Variants in MED13L observed in about 807,000 individuals in gnomAD.
MED13L encodes the protein mediator complex subunit 13L, also known as mediator of RNA polymerase II transcription subunit 13-like.
Under a neutral mutation model 220.9 loss-of-function variants are expected in MED13L, and 7 were observed. The observed-to-expected ratio is 0.03, with a 90% CI of 0.02 to 0.06. MED13L has a LOEUF of 0.06. Ranked by LOEUF, MED13L falls within the 10% of genes least tolerant of loss-of-function variation. The probability of loss-of-function intolerance (pLI) is 1.00; values close to 1 mark genes in which losing one functional copy is unlikely to be tolerated. For missense variants in MED13L, 1,965 were observed against 2,760.5 expected (o/e 0.71, Z 6.46); for synonymous variants, 1,011 against 1,015.2 (o/e 1.00, Z 0.08).
chr12:116,120,475 TCTCACACACACACACACACACA>T (rs1249304392), intron 2 of MED13L, among the ~76,000 whole-genome samples: 3 of 91,688 alleles, frequency 3.3e-5, no homozygotes, highest in African/African-American at 8.7e-5. Flanking sequence ...TCTCTCTCTC[TCTCACACACACACACACACACA>T]CACACACACA....
At chr12:116,073,037 T>C (rs1870503873) in intron 4 of MED13L, among the ~76,000 whole-genome samples, 1 of 152,194 alleles carries the variant, frequency 6.6e-6, no homozygotes, top group Non-Finnish European at 1.5e-5. Flanking sequence ...TGTATGTGGA[T>C]AAAATGTGAG....
At chr12:116,038,095 T>C (rs1881293089) in intron 4 of MED13L, among the ~76,000 whole-genome samples, 1 of 152,146 alleles carries the variant, frequency 6.6e-6, no homozygotes, top group Non-Finnish European at 1.5e-5. Flanking sequence ...AACACACAGA[T>C]TAAAGTGGAA....
At chr12:116,162,096 CT>C (rs1348092499) in intron 2 of MED13L, among the ~76,000 whole-genome samples, 4 of 152,056 alleles carry the variant, frequency 2.6e-5, no homozygotes, top group Non-Finnish European at 5.9e-5. Context: ...CAAACTGCAA[CT>C]GTAAGAAAGC....
intron 4 of MED13L, among the ~76,000 whole-genome samples, chr12:116,064,879 T>C (rs1869795606): frequency 6.6e-6 from 1 of 152,192 alleles, no homozygotes; most frequent in African/African-American, 2.4e-5. Context: ...TTTTGTCCAC[T>C]GTTACATCCC....
chr12:116,096,658 T>C lies in MED13L; in HGVS notation c.479+11A>G, dbSNP rs1198518564. 1 of 1,612,578 alleles carries C rather than the reference T, an allele frequency of 6.2e-7. No individual in the cohort carries two copies. Among genetic ancestry groups the C allele is most frequent in the East Asian group, 2.2e-5 (1 of 44,848 alleles). On this transcript the variant is annotated intron_variant, in intron 4 of 30. Coordinates refer to ENST00000281928, the MANE Select transcript of MED13L (RefSeq NM_015335.5). ...AGAAACCAAAAAGCCAAGAGCATTC[T>C]AAAGGCTCACCTTTTGTTGACTGGC...
At chr12:116,069,551 A>C (rs546777406) in intron 4 of MED13L, among the ~76,000 whole-genome samples, 11 of 152,208 alleles carry the variant, frequency 7.2e-5, no homozygotes, top group Non-Finnish European at 1.5e-4. Flanking sequence ...TTTAGCTATC[A>C]ATTACTTGCA....
chr12:115,965,761 T>A (rs920863950), intron 29 of MED13L, among the ~76,000 whole-genome samples: 1 of 152,188 alleles, frequency 6.6e-6, no homozygotes, highest in African/African-American at 2.4e-5. Flanking sequence ...GGCTTAACTT[T>A]ACTGATAGTG....
intron 23 of MED13L, among the ~76,000 whole-genome samples, chr12:115,976,720 TTTAA>T (rs1876965771): frequency 6.6e-6 from 1 of 152,226 alleles, no homozygotes; most frequent in Admixed American, 6.5e-5. Flanking sequence ...GTGAAAATGT[TTTAA>T]TTGTCATATT....
chr12:116,179,367 T>C (rs542009632), intron 2 of MED13L, among the ~76,000 whole-genome samples: 1 of 152,136 alleles, frequency 6.6e-6, no homozygotes, highest in East Asian at 1.9e-4. Flanking sequence ...CCCAGAACTT[T>C]TGGAGGCCAG....
At position 115,968,836 on chromosome 12, in the gene MED13L, C is replaced by T. The variant is rs111677880; in HGVS notation, c.6225+104G>A. 5.8e-5 allele frequency: 83 copies of T among 1,418,974 alleles called. 6 individuals are homozygous for T. The African/African-American group carries it at 6.5e-4, about 11-fold the overall frequency. 87.9% of individuals were successfully genotyped at this position (1,418,974 alleles called of 1,614,324 possible). A position where few individuals can be genotyped will look rare whatever the true frequency, so the allele number is the denominator to read the frequency against. On this transcript the variant is annotated intron_variant, in intron 28 of 30. Coordinates refer to ENST00000281928, the MANE Select transcript of MED13L (RefSeq NM_015335.5). Reference sequence around the variant, plus strand: ...ATTTCTCTTGTACCAAGGACCCAGACCATCAAGAACTGTGCAAGTAGGAAC... The same window carrying T: ...ATTTCTCTTGTACCAAGGACCCAGATCATCAAGAACTGTGCAAGTAGGAAC...
chr12:116,209,313 C>T (rs1882551352), intron 2 of MED13L, among the ~76,000 whole-genome samples: 2 of 152,132 alleles, frequency 1.3e-5, no homozygotes, highest in South Asian at 4.2e-4. Flanking sequence ...GGAGGTGTAC[C>T]TCAGTATTCA....
intron 2 of MED13L, among the ~76,000 whole-genome samples, chr12:116,223,371 T>G (rs922681767): frequency 6.6e-6 from 1 of 152,176 alleles, no homozygotes; most frequent in Non-Finnish European, 1.5e-5. Context: ...TTTAAAAAAC[T>G]TTTTAAATTT....
intron 3 of MED13L, among the ~76,000 whole-genome samples, chr12:116,105,065 T>C (rs913000955): frequency 3.9e-5 from 6 of 152,220 alleles, no homozygotes; most frequent in Admixed American, 3.9e-4. Flanking sequence ...CTAACTATCC[T>C]AACAAAGTAA....
intron 2 of MED13L, among the ~76,000 whole-genome samples, chr12:116,231,706 G>A (rs538650226): frequency 3.3e-5 from 5 of 152,244 alleles, no homozygotes; most frequent in Admixed American, 1.3e-4. Context: ...CTCTGGTTAC[G>A]TAAAAGAGTG....
At chr12:116,105,267 T>C (rs1873457145) in intron 3 of MED13L, among the ~76,000 whole-genome samples, 1 of 152,124 alleles carries the variant, frequency 6.6e-6, no homozygotes, top group East Asian at 1.9e-4. Flanking sequence ...TTTCCCTAAA[T>C]TGAGGACTGA....
intron 29 of MED13L, among the ~76,000 whole-genome samples, chr12:115,964,135 A>C (rs530455356): frequency 6.6e-6 from 1 of 152,126 alleles, no homozygotes; most frequent in East Asian, 1.9e-4. Flanking sequence ...CTCCCCACAA[A>C]AAAACAAATA....
chr12:116,181,367 A>T (rs993064368), intron 2 of MED13L: 3 of 152,218 alleles, frequency 2.0e-5, no homozygotes, highest in African/African-American at 7.2e-5. Flanking sequence ...CTTCTGTTCA[A>T]GAACACACAG....
At chr12:116,103,946 CAGTG>C (rs986962650) in intron 3 of MED13L, among the ~76,000 whole-genome samples, 4 of 150,552 alleles carry the variant, frequency 2.7e-5, no homozygotes, top group Non-Finnish European at 5.9e-5. Flanking sequence ...CACCATGCTC[CAGTG>C]AGTATGTTAT....
chr12:115,961,115 G>T lies in MED13L; in HGVS notation c.*151C>A. ...CTCTGGTAATGAACACTGCAGAATT[G>T]ACATGTGCCTGCTGAGAAGGAATCA... On this transcript the variant is annotated 3_prime_UTR_variant, in exon 31 of 31. Transcript: ENST00000281928. 9.8e-7 allele frequency: 1 copy of T among 1,017,172 alleles called. No individual in the cohort carries two copies. The highest frequency in any genetic ancestry group is 1.5e-6 in the Non-Finnish European group (1 of 668,732). 63.0% of individuals were successfully genotyped at this position (1,017,172 alleles called of 1,614,324 possible). A position where few individuals can be genotyped will look rare whatever the true frequency, so the allele number is the denominator to read the frequency against.
Sources: allele counts gnomAD v4.1 joint callset (sites outside exome capture counted in the v4.1 genomes callset), GRCh38; gene constraint gnomAD v4.1.1; transcripts MANE v1.5; gene names NCBI Gene and HGNC (gene_info 2026-07-23, HGNC 2026-07-21).